The following ABCC5 variants were observed in gnomAD, a reference collection of about 807,000 sequenced individuals.
The protein encoded by ABCC5 is ATP-binding cassette sub-family C member 5.
Under a neutral mutation model 160.9 loss-of-function variants are expected in ABCC5, and 61 were observed. That is an observed-to-expected ratio of 0.38 (90% confidence interval 0.31 to 0.47). ABCC5 has a LOEUF of 0.47. Among genes scored for constraint, ABCC5 ranks in the 20% least tolerant of loss-of-function variants. The pLI is 0.99. For missense variants in ABCC5, 1,308 were observed against 1,813.3 expected, an observed-to-expected ratio of 0.72 and a Z score of 5.06; for synonymous variants, 666 against 700.6, an observed-to-expected ratio of 0.95 and a Z score of 0.78.
intron 26 of ABCC5, among the ~76,000 whole-genome samples, chr3:183,931,106 T>C (rs1223410018): frequency 6.6e-6 from 1 of 152,222 alleles, no homozygotes; most frequent in East Asian, 1.9e-4. Context: ...CAAGCAATTA[T>C]AACAATATGC....
intron 8 of ABCC5, among the ~76,000 whole-genome samples, chr3:183,980,439 G>A (rs1338107257): frequency 6.6e-6 from 1 of 152,178 alleles, no homozygotes; most frequent in African/African-American, 2.4e-5. Context: ...CAGAATCAGA[G>A]AGCCAGAAGG....
chr3:183,933,538 T>A (rs572943157), intron 26 of ABCC5, among the ~76,000 whole-genome samples: 1 of 152,066 alleles, frequency 6.6e-6, no homozygotes, highest in South Asian at 2.1e-4. Context: ...AAGGCCTGGA[T>A]GAAAAGGGGC....
At chr3:183,985,553 A>G in intron 5 of ABCC5, 1 of 732,322 alleles carries the variant, frequency 1.4e-6, no homozygotes, top group Non-Finnish European at 2.5e-6. Context: ...GTTAGCATTC[A>G]CCAAGAGAGA....
At chr3:183,952,122 C>T in intron 18 of ABCC5, 119 bp from the exon 19 acceptor site, 1 of 903,468 alleles carries the variant, frequency 1.1e-6, no homozygotes, top group South Asian at 2.5e-5. Flanking sequence ...ACCCTGGGAC[C>T]TGGTCATGGC....
rs184573519 is a variant in ABCC5, at chr3:183,989,797, C to T, written c.130-414G>A. Among the ~76,000 whole-genome samples, 180 of 151,856 alleles carry T rather than the reference C, an allele frequency of 1.2e-3. 1 individual carries two copies. Among genetic ancestry groups the T allele is most frequent in the Non-Finnish European group, 2.2e-3 (152 of 67,950 alleles). The stretch of plus-strand genomic sequence containing the variant: ...GAAGTCCATAGGTTACATTAGGGTC[C>T]GCTCTTTGTTTTTTTGGGTTTTTTT... On this transcript the variant is annotated intron_variant, in intron 2 of 29. Transcript: ENST00000334444.
chr3:183,985,688 G>C, intron 5 of ABCC5: 1 of 411,058 alleles, frequency 2.4e-6, no homozygotes, highest in Non-Finnish European at 4.6e-6. Context: ...AAGCATCTCT[G>C]TAAGTGTAGC....
intron 26 of ABCC5, among the ~76,000 whole-genome samples, chr3:183,937,359 AGAGT>A (rs1207417864): frequency 6.6e-6 from 1 of 152,230 alleles, no homozygotes; most frequent in Non-Finnish European, 1.5e-5. Flanking sequence ...CCTGGGTGAC[AGAGT>A]GAGACTCCAT....
chr3:183,936,200 C>T (rs1049192915), intron 26 of ABCC5, among the ~76,000 whole-genome samples: 15 of 152,144 alleles, frequency 9.9e-5, no homozygotes, highest in African/African-American at 2.4e-4. Flanking sequence ...GGAAAGGCCA[C>T]ATGAGGACAG....
At position 184,003,730 on chromosome 3, in the gene ABCC5, T is replaced by C. The variant is rs531200829; in HGVS notation, c.129+10534A>G. Among the ~76,000 whole-genome samples, 29 of 152,342 alleles carry C rather than the reference T, an allele frequency of 1.9e-4. No homozygotes were observed. In the South Asian group the frequency reaches 2.3e-3, roughly 12 times the overall value. Reference sequence around the variant, plus strand: ...AGGTATTTGTCTGCAGTTGATAATCTAGCATTACTCCATAATCACCAGGAA... The same window carrying C: ...AGGTATTTGTCTGCAGTTGATAATCCAGCATTACTCCATAATCACCAGGAA... On this transcript the variant is annotated intron_variant, in intron 2 of 29. Coordinates refer to ENST00000334444, the MANE Select transcript of ABCC5 (RefSeq NM_005688.4).
At position 183,988,792 on chromosome 3, in the gene ABCC5, T is replaced by C. The variant is rs965397993; in HGVS notation, c.288-65A>G. ...CACGGAGAGGGCAGCCCGTGTTTAA[T>C]GGACACTGTTTAGTGAACACAGCTC... On this transcript the variant is annotated intron_variant, in intron 3 of 29. Coordinates refer to ENST00000334444, the MANE Select transcript of ABCC5 (RefSeq NM_005688.4). This position sits in a 1 kb window ranked among gnomAD's most constrained non-coding sequence, Gnocchi z 4.4. The C allele has an allele frequency of 3.3e-6, 5 of 1,524,382 alleles. No individual in the cohort carries two copies. In the African/African-American group the frequency reaches 4.1e-5, roughly 13 times the overall value. The allele number at this position is 1,524,382 out of a possible 1,614,324, so 94.4% of individuals were successfully genotyped here.
In ABCC5 at chr3:183,927,423, T is replaced by A; in HGVS notation, c.3954A>T (p.Lys1318Asn). 1 of 1,613,256 alleles carries A rather than the reference T, an allele frequency of 6.2e-7. No individual in the cohort carries two copies. Among genetic ancestry groups the A allele is most frequent in the South Asian group, 1.1e-5 (1 of 90,866 alleles). The change falls in exon 28 of 30, where the codon AAA (lysine) becomes AAT (asparagine). Residue 1318 changes from lysine to asparagine, a missense_variant. Lys to Asn is a moderately conservative substitution (Grantham distance 94, BLOSUM62 0). This residue lies in a region of ABCC5 where 163 missense variants were observed against 269.7 expected (regional missense o/e 0.60). Coordinates refer to ENST00000334444, the MANE Select transcript of ABCC5 (RefSeq NM_005688.4). ...MKECIAQLPL[K>N]LESEVMENGD... ...CATTCTCCATCACTTCAGATTCAAG[T>A]TTCAGAGGTAGCTGAGCAATCTAGG...
chr3:183,988,055 T>C lies in ABCC5; in HGVS notation c.444-138A>G. ...CTCCTTTAAAATTATGTACATAGTCTTCACCTTCTGGGAAAAAATACCCTT... is the reference window on the plus strand; with the variant it reads ...CTCCTTTAAAATTATGTACATAGTCCTCACCTTCTGGGAAAAAATACCCTT... On this transcript the variant is annotated intron_variant, in intron 4 of 29. Transcript: ENST00000334444. This position sits in a 1 kb window ranked among gnomAD's most constrained non-coding sequence, Gnocchi z 4.4. The C allele has an allele frequency of 1.1e-6, 1 of 924,786 alleles. No homozygotes were observed. Among genetic ancestry groups the C allele is most frequent in the Non-Finnish European group, 1.6e-6 (1 of 616,206 alleles). 57.3% of individuals were successfully genotyped at this position (924,786 alleles called of 1,614,324 possible). A position where few individuals can be genotyped will look rare whatever the true frequency, so the allele number is the denominator to read the frequency against.
chr3:183,975,981 C>T (rs752243646), intron 10 of ABCC5, among the ~76,000 whole-genome samples: 3 of 152,188 alleles, frequency 2.0e-5, no homozygotes, highest in Non-Finnish European at 4.4e-5. Context: ...TAGAAATGAA[C>T]AGCAGGGAGA....
At chr3:183,950,905 A>G (rs1360489234) in intron 20 of ABCC5, among the ~76,000 whole-genome samples, 1 of 152,206 alleles carries the variant, frequency 6.6e-6, no homozygotes, top group Non-Finnish European at 1.5e-5. Flanking sequence ...GTCACTCAAT[A>G]GCTGTAGATC....
At chr3:184,001,124 G>T in intron 2 of ABCC5, 1 of 416,556 alleles carries the variant, frequency 2.4e-6, no homozygotes, top group South Asian at 8.9e-5. Context: ...ATGGTGGCAC[G>T]AGATTGTAGT....
rs1392212549 is a variant in ABCC5, at chr3:183,961,586, C to T, written c.2304G>A (p.Glu768=). 12 of 1,614,186 alleles carry T rather than the reference C, an allele frequency of 7.4e-6. No homozygotes were observed. In the South Asian group the frequency reaches 1.3e-4, roughly 18 times the overall value. Residue 768 remains glutamate (E), a synonymous_variant, in exon 16 of 30, where the codon GAG becomes GAA. Transcript: ENST00000334444. ...AGTCACCATTTAAATTCATCAGTTC[C>T]TCATGGGTGCCTCTTTCCGTAATAC... ...EGCITERGTH[E]ELMNLNGDYA...
At chr3:183,956,410 G>A (rs1481534177) in intron 17 of ABCC5, among the ~76,000 whole-genome samples, 3 of 151,446 alleles carry the variant, frequency 2.0e-5, no homozygotes, top group Non-Finnish European at 4.4e-5. Context: ...GCAGATCCGT[G>A]TGTATATCAT....
At chr3:183,967,144 C>T (rs1717295658) in intron 12 of ABCC5, among the ~76,000 whole-genome samples, 1 of 152,042 alleles carries the variant, frequency 6.6e-6, no homozygotes, top group Non-Finnish European at 1.5e-5. Context: ...ACGCTGTTCA[C>T]TCCCTGCCTG....
intron 26 of ABCC5, among the ~76,000 whole-genome samples, chr3:183,934,955 AT>A (rs1713543326): frequency 6.6e-6 from 1 of 152,154 alleles, no homozygotes; most frequent in Admixed American, 6.5e-5. Flanking sequence ...AACGTGCTTT[AT>A]TTCTTAATTC....
Sources: allele counts gnomAD v4.1 joint callset (sites outside exome capture counted in the v4.1 genomes callset), GRCh38; gene constraint gnomAD v4.1.1; regional missense constraint gnomAD v4.1.1; non-coding constraint Gnocchi (gnomAD v3.1); transcripts MANE v1.5; gene names NCBI Gene and HGNC (gene_info 2026-07-23, HGNC 2026-07-21).